KCND2: variants seen among roughly 807,000 people sequenced by gnomAD.
The protein encoded by KCND2 is potassium voltage-gated channel subfamily D member 2.
A neutral mutation model predicts 54.4 loss-of-function variants in KCND2; 16 were observed. That is an observed-to-expected ratio of 0.29 (90% CI 0.20 to 0.45). The LOEUF (loss-of-function observed/expected upper bound fraction) is 0.45, where lower values mean the gene tolerates loss of function less well. Among genes scored for constraint, KCND2 ranks in the 20% least tolerant of loss-of-function variants. The pLI is 1.00. For missense variants in KCND2, 486 were observed against 824.2 expected (o/e 0.59, Z 5.02); for synonymous variants, 317 against 310.7 (o/e 1.02, Z -0.21).
At chr7:120,569,900 CAG>C (rs1418771248) in intron 1 of KCND2, among the ~76,000 whole-genome samples, 2 of 152,078 alleles carry the variant, frequency 1.3e-5, no homozygotes, top group Non-Finnish European at 2.9e-5. Flanking sequence ...GTAATAGGGA[CAG>C]GGGATCTTTC....
intron 1 of KCND2, among the ~76,000 whole-genome samples, chr7:120,452,779 G>A (rs6978518): frequency 0.28 from 41,891 of 152,026 alleles, 8,383 homozygotes; most frequent in East Asian, 0.56. Context: ...GCAGTGGAGC[G>A]TGGCCAGTGA....
intron 1 of KCND2, among the ~76,000 whole-genome samples, chr7:120,445,466 C>T (rs537573652): frequency 2.6e-4 from 40 of 152,194 alleles, no homozygotes; most frequent in African/African-American, 9.1e-4. Flanking sequence ...CCAGTTACCA[C>T]GTCTGTCATC....
At chr7:120,650,840 A>AC (rs1791723002) in intron 1 of KCND2, among the ~76,000 whole-genome samples, 1 of 143,288 alleles carries the variant, frequency 7.0e-6, no homozygotes, top group Admixed American at 6.8e-5. Flanking sequence ...AACAGTCAGG[A>AC]CCCTCAGCTG....
chr7:120,505,536 T>C (rs866781868), intron 1 of KCND2, among the ~76,000 whole-genome samples: 3 of 151,846 alleles, frequency 2.0e-5, no homozygotes, highest in African/African-American at 7.2e-5. Context: ...AGAAACCCTG[T>C]GTATTTGTGT....
At chr7:120,733,514 G>A (rs901463657) in intron 2 of KCND2, among the ~76,000 whole-genome samples, 3 of 152,072 alleles carry the variant, frequency 2.0e-5, no homozygotes, top group South Asian at 2.1e-4. Context: ...AATATTTGAC[G>A]AACAGCACTA....
chr7:120,554,207 A>G (rs748994217), intron 1 of KCND2, among the ~76,000 whole-genome samples: 1 of 152,146 alleles, frequency 6.6e-6, no homozygotes, highest in Non-Finnish European at 1.5e-5. Context: ...AACTTACTCA[A>G]TCATATCTTT....
chr7:120,668,216 A>G (rs1057207920), intron 1 of KCND2, among the ~76,000 whole-genome samples: 7 of 152,074 alleles, frequency 4.6e-5, no homozygotes, highest in African/African-American at 1.7e-4. Flanking sequence ...TCACACGTCG[A>G]TGGTAACATA....
intron 1 of KCND2, among the ~76,000 whole-genome samples, chr7:120,302,248 T>C (rs753596616): frequency 6.6e-5 from 10 of 152,168 alleles, no homozygotes; most frequent in Non-Finnish European, 7.3e-5. Context: ...CTATGCACTT[T>C]AAGATTTTTT....
At chr7:120,395,790 T>C (rs1270005460) in intron 1 of KCND2, among the ~76,000 whole-genome samples, 1 of 152,002 alleles carries the variant, frequency 6.6e-6, no homozygotes, top group African/African-American at 2.4e-5. Flanking sequence ...AGTGTCATTA[T>C]GTTAATGAGC....
chr7:120,416,385 TC>T (rs1276499722), intron 1 of KCND2, among the ~76,000 whole-genome samples: 15 of 152,198 alleles, frequency 9.9e-5, no homozygotes, highest in Non-Finnish European at 1.9e-4. Context: ...CCCTTAGCTA[TC>T]ATTTTTACAT....
At chr7:120,571,685 A>C (rs547711145) in intron 1 of KCND2, among the ~76,000 whole-genome samples, 2 of 152,322 alleles carry the variant, frequency 1.3e-5, no homozygotes, top group East Asian at 3.9e-4. Context: ...ACTCTTTCTT[A>C]ATGAAGCATC....
intron 1 of KCND2, among the ~76,000 whole-genome samples, chr7:120,539,302 C>G (rs1584819243): frequency 6.6e-6 from 1 of 152,282 alleles, no homozygotes; most frequent in Admixed American, 6.5e-5. Flanking sequence ...TCTCTGGCAG[C>G]CAGCTGGATT....
At chr7:120,485,435 T>A (rs1020947565) in intron 1 of KCND2, among the ~76,000 whole-genome samples, 1 of 152,176 alleles carries the variant, frequency 6.6e-6, no homozygotes, top group African/African-American at 2.4e-5. Context: ...AAGTTTAGAA[T>A]GGAAATACAA....
intron 2 of KCND2, among the ~76,000 whole-genome samples, chr7:120,734,368 C>T (rs1792845230): frequency 6.6e-6 from 1 of 152,068 alleles, no homozygotes; most frequent in Admixed American, 6.6e-5. Flanking sequence ...ACACATACAA[C>T]CTTCACAAAA....
At chr7:120,423,787 T>G (rs1801661331) in intron 1 of KCND2, among the ~76,000 whole-genome samples, 1 of 152,242 alleles carries the variant, frequency 6.6e-6, no homozygotes, top group South Asian at 2.1e-4. Context: ...CTTGTTCTGG[T>G]ACGCACTGCT....
At chr7:120,735,062 C>T (rs1792853938) in intron 2 of KCND2, among the ~76,000 whole-genome samples, 1 of 152,068 alleles carries the variant, frequency 6.6e-6, no homozygotes, top group Admixed American at 6.6e-5. Flanking sequence ...TTTTCAAGCT[C>T]TGTAGTTACT....
intron 1 of KCND2, among the ~76,000 whole-genome samples, chr7:120,366,545 GAAAAGAAAAGAAAAGAA>G (rs2116408810): frequency 7.0e-6 from 1 of 143,078 alleles, no homozygotes; most frequent in South Asian, 2.2e-4. Context: ...AGGGAGGAAA[GAAAAGAAAAGAAAAGAA>G]AAAAGAAAAG....
intron 1 of KCND2, among the ~76,000 whole-genome samples, chr7:120,313,841 A>G (rs924962836): frequency 1.3e-5 from 2 of 151,426 alleles, no homozygotes; most frequent in Non-Finnish European, 2.9e-5. Flanking sequence ...GACATAAGCC[A>G]ACAGTTTATA....
intron 1 of KCND2, among the ~76,000 whole-genome samples, chr7:120,323,743 A>T: frequency 1.5e-5 from 2 of 131,936 alleles, no homozygotes; most frequent in South Asian, 2.7e-4. Context: ...ATTGTGAATA[A>T]TGCTGCAATA....
Sources: allele counts gnomAD v4.1 joint callset (sites outside exome capture counted in the v4.1 genomes callset), GRCh38; gene constraint gnomAD v4.1.1; transcripts MANE v1.5; gene names NCBI Gene and HGNC (gene_info 2026-07-23, HGNC 2026-07-21).